Variants in PDE4B observed in about 807,000 individuals in gnomAD.
PDE4B encodes 3',5'-cyclic-AMP phosphodiesterase 4B.
In PDE4B, 20 loss-of-function variants were observed where a neutral mutation model predicts 82.2. The observed-to-expected ratio is 0.24, with a 90% CI of 0.17 to 0.35. PDE4B has a LOEUF of 0.35. PDE4B is among the 10% of genes least tolerant of loss of function. The pLI is 1.00. For missense variants in PDE4B, 655 were observed against 907.2 expected (o/e 0.72, Z 3.57); for synonymous variants, 320 against 318.9 (o/e 1.00, Z -0.04).
intron 1 of PDE4B, among the ~76,000 whole-genome samples, chr1:65,819,097 G>A (rs1033688291): frequency 1.3e-5 from 2 of 152,096 alleles, no homozygotes; most frequent in African/African-American, 4.8e-5. Context: ...AGAAGGAGAA[G>A]GGATGTGGAA....
At chr1:66,230,406 A>G (rs1236907062) in intron 3 of PDE4B, among the ~76,000 whole-genome samples, 2 of 152,228 alleles carry the variant, frequency 1.3e-5, no homozygotes, top group African/African-American at 2.4e-5. Context: ...TCTGTTGGCA[A>G]TGATGATGTA....
chr1:66,229,033 A>C (rs1026206582), intron 3 of PDE4B, among the ~76,000 whole-genome samples: 3 of 151,824 alleles, frequency 2.0e-5, no homozygotes, highest in Non-Finnish European at 4.4e-5. Flanking sequence ...TTTGAGATGG[A>C]GTCTTGCTCT....
At chr1:66,179,556 T>C (rs983911014) in intron 3 of PDE4B, among the ~76,000 whole-genome samples, 2 of 152,244 alleles carry the variant, frequency 1.3e-5, no homozygotes, top group African/African-American at 4.8e-5. Flanking sequence ...CAATATAAAC[T>C]AACCTATTTG....
intron 3 of PDE4B, among the ~76,000 whole-genome samples, chr1:66,120,554 C>A (rs1645689186): frequency 6.6e-6 from 1 of 152,042 alleles, no homozygotes; most frequent in South Asian, 2.1e-4. Flanking sequence ...TTTGCCTGTA[C>A]CATTTTTTAA....
chr1:66,315,569 C>T (rs1184875937), intron 7 of PDE4B, among the ~76,000 whole-genome samples: 1 of 152,164 alleles, frequency 6.6e-6, no homozygotes, highest in Non-Finnish European at 1.5e-5. Context: ...GATGCTCCTG[C>T]CTCAGCCTCC....
chr1:66,107,565 A>G (rs931853106), intron 3 of PDE4B, among the ~76,000 whole-genome samples: 2 of 151,892 alleles, frequency 1.3e-5, no homozygotes, highest in African/African-American at 4.8e-5. Context: ...TGGTAAGTCC[A>G]CCTGGATGAC....
Position 66,003,518 on chromosome 1 carries a change from G to A in PDE4B, c.281+84683G>A, listed in dbSNP as rs139556968. On this transcript the variant is annotated intron_variant, in intron 3 of 16. Coordinates refer to ENST00000341517, the MANE Select transcript of PDE4B (RefSeq NM_002600.4). ...ATCCGCATATTAAAAGCCAATATAG[G>A]ATTCAGTGAACAAATGCCTTGGAAG... is the stretch of plus-strand genomic sequence containing the variant. 3.1e-4 allele frequency among the ~76,000 whole-genome samples: 47 copies of A among 152,248 alleles called. 1 individual carries two copies. The highest frequency in any genetic ancestry group is 1.1e-3 in the African/African-American group (44 of 41,552).
chr1:66,022,054 A>G (rs924917509), intron 3 of PDE4B, among the ~76,000 whole-genome samples: 2 of 152,080 alleles, frequency 1.3e-5, no homozygotes. Flanking sequence ...ATTCCTAGAT[A>G]TTTTATTGTC....
At chr1:65,903,924 G>A (rs1646999793) in intron 1 of PDE4B, among the ~76,000 whole-genome samples, 1 of 152,066 alleles carries the variant, frequency 6.6e-6, no homozygotes, top group African/African-American at 2.4e-5. Context: ...GTAAATATTA[G>A]GCCATTAATT....
At chr1:65,903,959 T>C (rs1261602210) in intron 1 of PDE4B, among the ~76,000 whole-genome samples, 1 of 152,220 alleles carries the variant, frequency 6.6e-6, no homozygotes, top group Non-Finnish European at 1.5e-5. Context: ...GAAAGATTTC[T>C]CACATTTTTG....
intron 7 of PDE4B, among the ~76,000 whole-genome samples, chr1:66,303,770 G>A (rs368083042): frequency 1.3e-5 from 2 of 152,078 alleles, no homozygotes; most frequent in Non-Finnish European, 1.5e-5. Context: ...AGGTAAGAGC[G>A]GATATTTTTG....
At chr1:65,805,840 T>C (rs1645749016) in intron 1 of PDE4B, among the ~76,000 whole-genome samples, 1 of 152,186 alleles carries the variant, frequency 6.6e-6, no homozygotes, top group Non-Finnish European at 1.5e-5. Context: ...TTTTGAATCT[T>C]GATCCTTTAA....
At chr1:65,930,709 A>C (rs1647783633) in intron 3 of PDE4B, among the ~76,000 whole-genome samples, 1 of 152,214 alleles carries the variant, frequency 6.6e-6, no homozygotes. Context: ...CCCAATGACT[A>C]TACCCCCATT....
intron 3 of PDE4B, among the ~76,000 whole-genome samples, chr1:66,181,834 A>G (rs1182394546): frequency 1.3e-5 from 2 of 152,152 alleles, no homozygotes; most frequent in African/African-American, 2.4e-5. Flanking sequence ...TTAAAAACGA[A>G]CAAAAATCTA....
At chr1:65,826,687 C>T (rs1167543116) in intron 1 of PDE4B, among the ~76,000 whole-genome samples, 1 of 151,968 alleles carries the variant, frequency 6.6e-6, no homozygotes, top group African/African-American at 2.4e-5. Flanking sequence ...TCCACTGCGT[C>T]TTGGGGAAAA....
chr1:65,962,361 G>A (rs1649587659), intron 3 of PDE4B, among the ~76,000 whole-genome samples: 1 of 152,116 alleles, frequency 6.6e-6, no homozygotes. Context: ...GTCTGCTACT[G>A]TAACATAAGA....
intron 3 of PDE4B, among the ~76,000 whole-genome samples, chr1:65,976,843 A>G (rs1650435153): frequency 6.6e-6 from 1 of 152,208 alleles, no homozygotes; most frequent in African/African-American, 2.4e-5. Context: ...CAGCCTGCAG[A>G]ACTGTGAGTC....
chr1:66,194,474 C>T lies in PDE4B; in HGVS notation c.282-52986C>T, dbSNP rs374587696. 9.9e-5 allele frequency among the ~76,000 whole-genome samples: 15 copies of T among 152,082 alleles called. No individual in the cohort carries two copies. In the East Asian group the frequency reaches 2.7e-3, roughly 27 times the overall value. The stretch of plus-strand genomic sequence containing the variant: ...CAAGAAAGGTTACAAGGGTGTCCAT[C>T]GCCTTAAAATTCCCCAATTTATAAA... On this transcript the variant is annotated intron_variant, in intron 3 of 16. Transcript: ENST00000341517.
chr1:66,139,216 G>A (rs1646119160), intron 3 of PDE4B, among the ~76,000 whole-genome samples: 1 of 152,170 alleles, frequency 6.6e-6, no homozygotes, highest in Admixed American at 6.6e-5. Context: ...CAATGTGTCA[G>A]CATGTCTGCC....
Sources: allele counts gnomAD v4.1 joint callset (sites outside exome capture counted in the v4.1 genomes callset), GRCh38; gene constraint gnomAD v4.1.1; transcripts MANE v1.5; gene names NCBI Gene and HGNC (gene_info 2026-07-23, HGNC 2026-07-21).